The following LMCD1 variants were observed in gnomAD, a reference collection of about 807,000 sequenced individuals.
LMCD1 encodes the protein LIM and cysteine-rich domains protein 1.
LMCD1 carries 32 observed loss-of-function variants against 42.7 expected under a neutral mutation model. The ratio of observed to expected loss-of-function variants is 0.75; its 90% CI spans 0.57 to 1.01. The LOEUF (loss-of-function observed/expected upper bound fraction) is 1.01. LMCD1 is among the 50% of genes least tolerant of loss of function. The pLI, the probability that LMCD1 is intolerant of heterozygous loss-of-function variation, is 0.00. For synonymous variants in LMCD1, 178 were observed against 184.9 expected (o/e 0.96, Z 0.30); for missense variants, 458 against 483.1 (o/e 0.95, Z 0.49).
chr3:8,510,110 G>A (rs1693966991), intron 1 of LMCD1, among the ~76,000 whole-genome samples: 1 of 152,228 alleles, frequency 6.6e-6, no homozygotes, highest in Non-Finnish European at 1.5e-5. Context: ...CCTGCCCTTA[G>A]AAGAGAGCAT....
intron 2 of LMCD1, among the ~76,000 whole-genome samples, chr3:8,535,374 G>A (rs67203525): frequency 0.11 from 16,511 of 151,974 alleles, 1,086 homozygotes; most frequent in South Asian, 0.2. Context: ...GCACCCTGAG[G>A]GTCATTTTCT....
At chr3:8,546,412 T>C (rs1272849389) in intron 3 of LMCD1, among the ~76,000 whole-genome samples, 1 of 152,232 alleles carries the variant, frequency 6.6e-6, no homozygotes, top group Non-Finnish European at 1.5e-5. Flanking sequence ...TGGTAGGCGC[T>C]GTGGTTCTTT....
chr3:8,570,754 G>A lies in LMCD1; in HGVS notation c.*3156G>A, dbSNP rs1368248463. 2.0e-5 allele frequency: 3 copies of A among 152,284 alleles called. No individual in the cohort carries two copies. Among genetic ancestry groups the A allele is most frequent in the Middle Eastern group, 3.4e-3 (1 of 294 alleles). The allele number at this position is 152,284 out of a possible 1,614,324, so 9.4% of individuals were successfully genotyped here. ...GCACTCTCCTCTTCAAGAACAATCA[G>A]GGGCTCCCTGTTGCACACACAGAAA... On this transcript the variant is annotated 3_prime_UTR_variant, in exon 6 of 6. Coordinates refer to ENST00000157600, the MANE Select transcript of LMCD1 (RefSeq NM_014583.4).
chr3:8,536,301 C>T lies in LMCD1; in HGVS notation c.132-884C>T, dbSNP rs145653774. Among the ~76,000 whole-genome samples, 251 of 152,284 alleles carry T rather than the reference C, an allele frequency of 1.6e-3. 3 individuals are homozygous for T. The Middle Eastern group carries it at 0.051, about 31-fold the overall frequency. On this transcript the variant is annotated intron_variant, in intron 2 of 5. Coordinates refer to ENST00000157600, the MANE Select transcript of LMCD1 (RefSeq NM_014583.4). ...GTGACAGGCCGGAAAGGGAGGGGAG[C>T]GATTTTCCTCTCACGCCGTGGAACT...
intron 4 of LMCD1, among the ~76,000 whole-genome samples, chr3:8,560,922 C>T (rs1427305792): frequency 6.6e-6 from 1 of 152,200 alleles, no homozygotes; most frequent in African/African-American, 2.4e-5. Context: ...GTTGACCAAA[C>T]ACATTCCTTA....
chr3:8,509,741 C>A (rs560431210), intron 1 of LMCD1, among the ~76,000 whole-genome samples: 1 of 152,312 alleles, frequency 6.6e-6, no homozygotes, highest in South Asian at 2.1e-4. Flanking sequence ...AGGACACACA[C>A]CTTCAGAGCC....
At chr3:8,520,229 A>AAC (rs368754884) in intron 1 of LMCD1, among the ~76,000 whole-genome samples, 1 of 151,764 alleles carries the variant, frequency 6.6e-6, no homozygotes, top group Non-Finnish European at 1.5e-5. Context: ...TGCATGCACA[A>AAC]ACACACACAC....
intron 1 of LMCD1, among the ~76,000 whole-genome samples, chr3:8,506,778 G>A (rs936463920): frequency 6.6e-6 from 1 of 152,138 alleles, no homozygotes; most frequent in Non-Finnish European, 1.5e-5. Context: ...AATAACTGCA[G>A]GCGTTTACTC....
At position 8,532,750 on chromosome 3, in the gene LMCD1, A is replaced by C. The variant is rs1055068619; in HGVS notation, c.56A>C (p.Gln19Pro). 6.2e-7 allele frequency: 1 copy of C among 1,613,526 alleles called. No individual in the cohort carries two copies. Among genetic ancestry groups the C allele is most frequent in the Non-Finnish European group, 8.5e-7 (1 of 1,179,766 alleles). Residue 19 changes from glutamine to proline, a missense_variant, in exon 2 of 6, where the codon CAG becomes CCG. Transcript: ENST00000157600. ...NPGVKKMSLGQLQSARGVACL... is the reference protein window; with the variant it reads ...NPGVKKMSLGPLQSARGVACL... ...TTCCTTTTCCAGATGTCCCTGGGCC[A>C]GCTGCAGTCAGCAAGAGGTGTGGCA...
chr3:8,519,523 T>G (rs1186202342), intron 1 of LMCD1, among the ~76,000 whole-genome samples: 1 of 152,174 alleles, frequency 6.6e-6, no homozygotes, highest in Admixed American at 6.5e-5. Flanking sequence ...GAAGGACCGT[T>G]CACTAGTTTC....
chr3:8,514,426 T>TA (rs1694061970), intron 1 of LMCD1, among the ~76,000 whole-genome samples: 1 of 152,160 alleles, frequency 6.6e-6, no homozygotes, highest in African/African-American at 2.4e-5. Context: ...TATAAAATGA[T>TA]ACAGCCACCG....
rs554423831 is a variant in LMCD1 at position 8,568,643 on chromosome 3, A to C, written c.*1045A>C. On this transcript the variant is annotated 3_prime_UTR_variant, in exon 6 of 6. Transcript: ENST00000157600. Reference sequence around the variant, plus strand: ...ACTTTTATGAGAAATCTCAATTTTTAATGTTGCCAACTAAACATTGAATGA... The same window carrying C: ...ACTTTTATGAGAAATCTCAATTTTTCATGTTGCCAACTAAACATTGAATGA... 1 of 152,386 alleles carries C rather than the reference A, an allele frequency of 6.6e-6. No homozygotes were observed. Among genetic ancestry groups the C allele is most frequent in the East Asian group, 1.9e-4 (1 of 5,194 alleles). 9.4% of individuals were successfully genotyped at this position (152,386 alleles called of 1,614,324 possible).
In LMCD1 at chr3:8,568,100, A is replaced by C. The variant is rs758725879; in HGVS notation, c.*502A>C. 1.3e-5 allele frequency: 2 copies of C among 152,326 alleles called. No homozygotes were observed. Among genetic ancestry groups the C allele is most frequent in the African/African-American group, 2.4e-5 (1 of 41,474 alleles). The allele number at this position is 152,326 out of a possible 1,614,324, so 9.4% of individuals were successfully genotyped here. A position where few individuals can be genotyped will look rare whatever the true frequency, so the allele number is the denominator to read the frequency against. On this transcript the variant is annotated 3_prime_UTR_variant, in exon 6 of 6. Transcript: ENST00000157600. ...TTTTTTTGGCATGATAAACAGATCA[A>C]TAAAAGTTTTGTGAATTCCACATAC...
chr3:8,520,097 G>A (rs1271627809), intron 1 of LMCD1, among the ~76,000 whole-genome samples: 1 of 152,140 alleles, frequency 6.6e-6, no homozygotes, highest in Non-Finnish European at 1.5e-5. Context: ...GATTCAGACA[G>A]GCAAGATTAA....
Position 8,567,443 on chromosome 3 carries a change from A to G in LMCD1, c.943A>G (p.Ile315Val), listed in dbSNP as rs1488470959. ...RPRCSGCDEI[I>V]FAEDYQRVED... ...TTTCTCCTGCTCCCCTCCCCAGATA[A>G]TATTCGCTGAGGACTACCAGCGTGT... The change falls in exon 6 of 6, where the codon ATA (isoleucine) becomes GTA (valine). Residue 315 changes from isoleucine to valine, a missense_variant. Physicochemically the swap from Ile to Val is conservative, Grantham distance 29. Coordinates refer to ENST00000157600, the MANE Select transcript of LMCD1 (RefSeq NM_014583.4). 1 of 1,613,796 alleles carries G rather than the reference A, an allele frequency of 6.2e-7. No homozygotes were observed. The highest frequency in any genetic ancestry group is 1.1e-5 in the South Asian group (1 of 91,038).
intron 3 of LMCD1, among the ~76,000 whole-genome samples, chr3:8,537,698 G>A (rs1694539028): frequency 6.6e-6 from 1 of 152,154 alleles, no homozygotes; most frequent in African/African-American, 2.4e-5. Context: ...TCTAGTACAG[G>A]GGCATTTATT....
intron 4 of LMCD1, among the ~76,000 whole-genome samples, chr3:8,563,700 T>C (rs1443863373): frequency 6.6e-6 from 1 of 152,226 alleles, no homozygotes; most frequent in Non-Finnish European, 1.5e-5. Context: ...GAGGGCTTGG[T>C]GACTTCCTTC....
At chr3:8,529,937 G>A (rs1377467788) in intron 1 of LMCD1, among the ~76,000 whole-genome samples, 2 of 152,146 alleles carry the variant, frequency 1.3e-5, no homozygotes, top group Admixed American at 6.5e-5. Context: ...ACCCTGCAAG[G>A]CAAGTTGCAT....
At chr3:8,502,078 A>G (rs1693735284) in intron 1 of LMCD1, 98 bp downstream of exon 1, 1 of 1,091,636 alleles carries the variant, frequency 9.2e-7, no homozygotes, top group African/African-American at 1.6e-5. Flanking sequence ...ATGAGAAGGG[A>G]ACTCTTTAAA....
Sources: gnomAD v4.1 joint callset for allele counts (sites outside exome capture counted in the v4.1 genomes callset) on GRCh38, gnomAD v4.1.1 for gene constraint, MANE v1.5 for transcripts, NCBI Gene and HGNC (gene_info 2026-07-23, HGNC 2026-07-21) for gene names.